Variants in CLDN10 observed in about 807,000 individuals in gnomAD.
The protein encoded by CLDN10 is claudin-10.
Under a neutral mutation model 22.9 loss-of-function variants are expected in CLDN10, and 15 were observed. That is an observed-to-expected ratio of 0.65 (90% CI 0.44 to 1.01). The LOEUF is 1.01. Among genes scored for constraint, CLDN10 ranks in the 50% least tolerant of loss-of-function variants. The probability of loss-of-function intolerance (pLI) is 0.00; values close to 1 mark genes in which losing one functional copy is unlikely to be tolerated. For synonymous variants in CLDN10, 114 were observed against 111.4 expected (o/e 1.02, Z -0.15); for missense variants, 247 against 287.8 (o/e 0.86, Z 1.03).
chr13:95,542,683 T>C (rs916787958), intron 1 of CLDN10, among the ~76,000 whole-genome samples: 1 of 152,038 alleles, frequency 6.6e-6, no homozygotes, highest in African/African-American at 2.4e-5. Flanking sequence ...GGCGCACGCC[T>C]GTAGTTGCAG....
rs371744369 is a variant in CLDN10, at chr13:95,552,751, G to T, written c.-3G>T. 6.2e-7 allele frequency: 1 copy of T among 1,607,202 alleles called. No individual in the cohort carries two copies. Among genetic ancestry groups the T allele is most frequent in the African/African-American group, 1.3e-5 (1 of 74,782 alleles). Reference sequence around the variant, plus strand: ...GAGAGCGAGCGCGGCTGCAGCCGGCGGCATGGCTAGCACGGCTTCGGAGAT... The same window carrying T: ...GAGAGCGAGCGCGGCTGCAGCCGGCTGCATGGCTAGCACGGCTTCGGAGAT... On this transcript the variant is annotated 5_prime_UTR_variant, in exon 1 of 5. Coordinates refer to ENST00000299339, the MANE Select transcript of CLDN10 (RefSeq NM_006984.5).
At chr13:95,458,700 A>T (rs1566280744) in intron 1 of CLDN10, among the ~76,000 whole-genome samples, 1 of 152,138 alleles carries the variant, frequency 6.6e-6, no homozygotes, top group Non-Finnish European at 1.5e-5. Context: ...ACAATTCAAG[A>T]TGAGATTTTG....
intron 1 of CLDN10, among the ~76,000 whole-genome samples, chr13:95,536,931 G>GT (rs1175422321): frequency 6.6e-6 from 1 of 152,202 alleles, no homozygotes; most frequent in East Asian, 1.9e-4. Context: ...CACAGCTGCT[G>GT]TAAGTTAATG....
chr13:95,569,918 G>A (rs1014031723), intron 3 of CLDN10, among the ~76,000 whole-genome samples: 2 of 152,000 alleles, frequency 1.3e-5, no homozygotes, highest in African/African-American at 2.4e-5. Context: ...ACAGGCGCCC[G>A]CCACCGCGCC....
At chr13:95,486,016 GGGT>G (rs1376368451) in intron 1 of CLDN10, among the ~76,000 whole-genome samples, 1 of 152,168 alleles carries the variant, frequency 6.6e-6, no homozygotes, top group Non-Finnish European at 1.5e-5. Context: ...TTTCCCCCCA[GGGT>G]ATAAAACCCA....
intron 3 of CLDN10, among the ~76,000 whole-genome samples, chr13:95,571,399 A>T (rs1198917145): frequency 6.6e-6 from 1 of 152,182 alleles, no homozygotes; most frequent in Admixed American, 6.5e-5. Flanking sequence ...CTTATAACTT[A>T]AATTTTTCCA....
At chr13:95,520,215 A>G (rs977851725) in intron 1 of CLDN10, among the ~76,000 whole-genome samples, 1 of 152,250 alleles carries the variant, frequency 6.6e-6, no homozygotes, top group Non-Finnish European at 1.5e-5. Context: ...GTCTACGTAG[A>G]TTGATTTTAA....
chr13:95,471,056 A>G (rs949819805), intron 1 of CLDN10, among the ~76,000 whole-genome samples: 7 of 152,158 alleles, frequency 4.6e-5, no homozygotes, highest in African/African-American at 1.7e-4. Context: ...CGAGAGCATG[A>G]GCACGGAAAA....
At chr13:95,519,884 A>T (rs1023127846) in intron 1 of CLDN10, among the ~76,000 whole-genome samples, 24 of 152,396 alleles carry the variant, frequency 1.6e-4, no homozygotes, top group Admixed American at 1.4e-3. Flanking sequence ...AATGAGATTC[A>T]GACATGAAAA....
chr13:95,567,834 C>T (rs2043804999), intron 3 of CLDN10, among the ~76,000 whole-genome samples: 1 of 152,076 alleles, frequency 6.6e-6, no homozygotes, highest in Admixed American at 6.6e-5. Flanking sequence ...GCATGAAGGG[C>T]TGTTGAATTT....
At chr13:95,566,660 C>T (rs2043791661) in intron 3 of CLDN10, among the ~76,000 whole-genome samples, 1 of 152,044 alleles carries the variant, frequency 6.6e-6, no homozygotes, top group Non-Finnish European at 1.5e-5. Flanking sequence ...CTTTTGTTGC[C>T]ATTGCTTTTG....
At chr13:95,506,378 G>A (rs1419143012) in intron 1 of CLDN10, among the ~76,000 whole-genome samples, 3 of 152,212 alleles carry the variant, frequency 2.0e-5, no homozygotes, top group Non-Finnish European at 4.4e-5. Context: ...GCCAGTCAGT[G>A]CAGGAAGAAC....
intron 1 of CLDN10, among the ~76,000 whole-genome samples, chr13:95,464,529 C>A (rs1414681197): frequency 2.0e-5 from 3 of 152,206 alleles, no homozygotes; most frequent in Non-Finnish European, 2.9e-5. Context: ...GGTTCCAAGT[C>A]TTTGCTATTG....
At position 95,565,583 on chromosome 13, in the gene CLDN10, C is replaced by T. The variant is rs1260242850; in HGVS notation, c.464+5120C>T. Among the ~76,000 whole-genome samples the T allele has an allele frequency of 2.0e-5, 3 of 152,050 alleles. No homozygotes were observed. The East Asian group carries it at 5.8e-4, about 29-fold the overall frequency. On this transcript the variant is annotated intron_variant, in intron 3 of 4. Coordinates refer to ENST00000299339, the MANE Select transcript of CLDN10 (RefSeq NM_006984.5). ...AGCTTTATATAATAAAATATTTTCA[C>T]CATTGTGGCTATTTAGTAGTTAGAA...
At chr13:95,472,486 A>AG (rs2042643020) in intron 1 of CLDN10, among the ~76,000 whole-genome samples, 1 of 151,970 alleles carries the variant, frequency 6.6e-6, no homozygotes, top group Non-Finnish European at 1.5e-5. Flanking sequence ...GTTTGAGACC[A>AG]GTGTGTCCAA....
At chr13:95,468,996 A>T (rs2042604921) in intron 1 of CLDN10, among the ~76,000 whole-genome samples, 1 of 152,188 alleles carries the variant, frequency 6.6e-6, no homozygotes, top group South Asian at 2.1e-4. Flanking sequence ...TAAATACATT[A>T]TGATTTCATA....
intron 1 of CLDN10, among the ~76,000 whole-genome samples, chr13:95,544,843 C>T (rs2043492602): frequency 6.6e-6 from 1 of 151,566 alleles, no homozygotes; most frequent in Non-Finnish European, 1.5e-5. Flanking sequence ...GTGGTGCGAT[C>T]TCAGCTCACT....
chr13:95,523,180 T>C (rs950052166), intron 1 of CLDN10, among the ~76,000 whole-genome samples: 3 of 152,158 alleles, frequency 2.0e-5, no homozygotes, highest in African/African-American at 7.2e-5. Flanking sequence ...TATCTTTTTT[T>C]GTTAATTTAT....
intron 1 of CLDN10, among the ~76,000 whole-genome samples, chr13:95,471,356 A>ATGTGTGTGTGTGTG (rs1296875010): frequency 7.7e-5 from 9 of 116,200 alleles, no homozygotes; most frequent in African/African-American, 2.9e-4. Context: ...TTATGGATAT[A>ATGTGTGTGTGTGTG]TATGTGTGTG....
Sources: allele counts gnomAD v4.1 joint callset (sites outside exome capture counted in the v4.1 genomes callset), GRCh38; gene constraint gnomAD v4.1.1; transcripts MANE v1.5; gene names NCBI Gene and HGNC (gene_info 2026-07-23, HGNC 2026-07-21).